XCR1: variants seen among roughly 807,000 people sequenced by gnomAD.
XCR1 encodes chemokine XC receptor 1.
For missense variants in XCR1, 356 were observed against 424.2 expected, an observed-to-expected ratio of 0.84 and a Z score of 1.41; for synonymous variants, 187 against 188.5, an observed-to-expected ratio of 0.99 and a Z score of 0.06.
At position 46,074,214 on chromosome 3, in the gene XCR1, C is replaced by CTTTTTTTTTTTTTTTT. The variant is rs35124592; in HGVS notation, c.-263+421_-263+436dup. ...CAACACGAATGGAACTGAAGGCCAT[C>CTTTTTTTTTTTTTTTT]TTTTTTTTTTTTTTTTTTTTTTTTT... is the stretch of plus-strand genomic sequence containing the variant. On this transcript the variant is annotated intron_variant, in intron 3 of 5. Transcript: ENST00000683768. 2.9e-3 allele frequency among the ~76,000 whole-genome samples: 250 copies of CTTTTTTTTTTTTTTTT among 86,650 alleles called. 27 individuals carry two copies. The highest frequency in any genetic ancestry group is 0.015 in the Middle Eastern group (2 of 132). 56.8% of individuals were successfully genotyped at this position (86,650 alleles called of 152,430 possible).
At chr3:46,029,622 TAACTC>T (rs1708362579), upstream of XCR1, among the ~76,000 whole-genome samples, 1 of 152,170 alleles carries the variant, frequency 6.6e-6, no homozygotes, top group Non-Finnish European at 1.5e-5. Flanking sequence ...ATACAAAAAT[TAACTC>T]AAAATGGATT....
chr3:46,036,683 A>C (rs1697437529), intron 5 of XCR1, among the ~76,000 whole-genome samples: 1 of 152,230 alleles, frequency 6.6e-6, no homozygotes, highest in African/African-American at 2.4e-5. Flanking sequence ...AGGGTTTGGC[A>C]CAGGTTATAA....
chr3:46,057,978 C>T (rs1390559809), intron 4 of XCR1, among the ~76,000 whole-genome samples: 1 of 151,822 alleles, frequency 6.6e-6, no homozygotes, highest in East Asian at 1.9e-4. Flanking sequence ...TATCTATCAT[C>T]TATCGATCAT....
chr3:46,068,349 G>A (rs192322216), intron 3 of XCR1, among the ~76,000 whole-genome samples: 1 of 152,208 alleles, frequency 6.6e-6, no homozygotes, highest in Admixed American at 6.5e-5. Context: ...GCAGCTGCTG[G>A]CATCTAGTAA....
At chr3:46,052,039 C>CAAAAA (rs771023267) in intron 5 of XCR1, among the ~76,000 whole-genome samples, 7 of 98,180 alleles carry the variant, frequency 7.1e-5, no homozygotes, top group Admixed American at 9.7e-5. Context: ...AAAACAAAAA[C>CAAAAA]AAAAAAAAAA....
upstream of XCR1, among the ~76,000 whole-genome samples, chr3:46,030,939 C>T (rs893602732): frequency 6.6e-6 from 1 of 152,278 alleles, no homozygotes; most frequent in South Asian, 2.1e-4. Flanking sequence ...TCAGGGCTAG[C>T]CCTGGGAGTG....
intron 4 of XCR1, among the ~76,000 whole-genome samples, chr3:46,064,231 TGTG>T (rs1247311544): frequency 3.3e-5 from 5 of 152,210 alleles, no homozygotes; most frequent in African/African-American, 1.2e-4. Context: ...ACACATATCA[TGTG>T]CCAGGCACTG....
intron 4 of XCR1, among the ~76,000 whole-genome samples, chr3:46,061,162 C>T (rs1336761797): frequency 1.3e-5 from 2 of 152,182 alleles, no homozygotes; most frequent in Admixed American, 6.5e-5. Context: ...GAGTAAGTGT[C>T]TATTCCAGTA....
In XCR1 at chr3:46,039,457, TGCAG is replaced by T. The variant is rs577567771; in HGVS notation, c.-32+14459_-32+14462del. 7.5e-3 allele frequency among the ~76,000 whole-genome samples: 1,147 copies of T among 152,346 alleles called. 14 individuals are homozygous for T. Among genetic ancestry groups the T allele is most frequent in the African/African-American group, 0.026 (1,099 of 41,574 alleles). On this transcript the variant is annotated intron_variant, in intron 5 of 5. Transcript: ENST00000683768. ...ACTTTAATCCGGTGGTTTGAAGTAC[TGCAG>T]GCAGTCACTCCTAGACACCAAATCA...
At chr3:46,048,564 C>G (rs945058251) in intron 5 of XCR1, among the ~76,000 whole-genome samples, 1 of 152,146 alleles carries the variant, frequency 6.6e-6, no homozygotes, top group Non-Finnish European at 1.5e-5. Context: ...CTGGGTTCCT[C>G]TAGTCTCCCA....
chr3:46,078,525 G>A (rs1698301686), intron 1 of XCR1, among the ~76,000 whole-genome samples: 1 of 152,128 alleles, frequency 6.6e-6, no homozygotes, highest in Non-Finnish European at 1.5e-5. Flanking sequence ...TTGGGTTCCA[G>A]AAAAGAAAAA....
intron 5 of XCR1, among the ~76,000 whole-genome samples, chr3:46,041,215 C>T (rs1697531715): frequency 6.6e-6 from 1 of 152,134 alleles, no homozygotes; most frequent in African/African-American, 2.4e-5. Flanking sequence ...GCTGTTTTCT[C>T]TTATAATGGG....
intron 4 of XCR1, among the ~76,000 whole-genome samples, chr3:46,064,788 T>G (rs1312180245): frequency 1.3e-5 from 2 of 152,172 alleles, no homozygotes; most frequent in East Asian, 3.8e-4. Flanking sequence ...CCCCCACTGA[T>G]GCCACTTGGA....
At chr3:46,079,511 G>A (rs1320931162) in intron 1 of XCR1, among the ~76,000 whole-genome samples, 1 of 152,004 alleles carries the variant, frequency 6.6e-6, no homozygotes. Flanking sequence ...ACTTCCAGCT[G>A]TTTCTCCTCA....
chr3:46,022,341 C>G (rs1188602851), intron 1 of XCR1: 1 of 167,642 alleles, frequency 6.0e-6, no homozygotes, highest in Admixed American at 5.7e-5. Context: ...ATGCCAGACT[C>G]TTAGTTAATT....
intron 5 of XCR1, among the ~76,000 whole-genome samples, chr3:46,052,474 T>C (rs1482017377): frequency 6.6e-6 from 1 of 152,210 alleles, no homozygotes; most frequent in African/African-American, 2.4e-5. Context: ...TTTTTTCCCC[T>C]GGGTGGGGCA....
upstream of XCR1, among the ~76,000 whole-genome samples, chr3:46,031,958 A>T (rs1212716178): frequency 6.6e-6 from 1 of 152,158 alleles, no homozygotes; most frequent in Non-Finnish European, 1.5e-5. Flanking sequence ...CTCTGGTAGG[A>T]GCTGAACACT....
At chr3:46,066,064 T>C (rs1334474477) in intron 4 of XCR1, among the ~76,000 whole-genome samples, 3 of 152,108 alleles carry the variant, frequency 2.0e-5, no homozygotes, top group Non-Finnish European at 2.9e-5. Context: ...AGCGACAGCA[T>C]TCCTGGTGGA....
intron 5 of XCR1, among the ~76,000 whole-genome samples, chr3:46,044,198 G>A (rs1697585000): frequency 1.3e-5 from 2 of 152,126 alleles, no homozygotes; most frequent in Admixed American, 1.3e-4. Context: ...GTTTCACCAT[G>A]TTGGTCTCAA....
Sources: allele counts gnomAD v4.1 joint callset (sites outside exome capture counted in the v4.1 genomes callset), GRCh38; gene constraint gnomAD v4.1.1; transcripts MANE v1.5; gene names NCBI Gene and HGNC (gene_info 2026-07-23, HGNC 2026-07-21).